Variants in SORBS3 observed in about 807,000 individuals in gnomAD.
SORBS3 encodes the protein vinexin.
A neutral mutation model predicts 98.0 loss-of-function variants in SORBS3; 69 were observed. The observed-to-expected ratio is 0.70, with a 90% CI of 0.58 to 0.86. The LOEUF is 0.86. Ranked by LOEUF, SORBS3 falls within the 40% of genes least tolerant of loss-of-function variation. The pLI, the probability that SORBS3 is intolerant of heterozygous loss-of-function variation, is 0.00. For synonymous variants in SORBS3, 394 were observed against 355.4 expected, an observed-to-expected ratio of 1.11 and a Z score of -1.22; for missense variants, 954 against 908.5, an observed-to-expected ratio of 1.05 and a Z score of -0.64.
upstream of SORBS3, chr8:22,549,890 T>G: frequency 1.4e-6 from 1 of 706,370 alleles, no homozygotes; most frequent in Middle Eastern, 7.2e-4. Context: ...CACTAAATAT[T>G]TATCTTGGAG....
At chr8:22,553,750 C>G (rs886908681) in intron 1 of SORBS3, among the ~76,000 whole-genome samples, 14 of 152,230 alleles carry the variant, frequency 9.2e-5, no homozygotes, top group Non-Finnish European at 1.6e-4. Context: ...CACCAACTCT[C>G]CATGGGCATG....
At chr8:22,547,561 C>A (rs191093774), upstream of SORBS3, among the ~76,000 whole-genome samples, 1 of 152,184 alleles carries the variant, frequency 6.6e-6, no homozygotes, top group Non-Finnish European at 1.5e-5. Flanking sequence ...TCCTACCCAT[C>A]GCAGTCTACC....
At chr8:22,561,296 C>T in intron 5 of SORBS3, 39 bp from the exon 6 acceptor site, 1 of 1,550,416 alleles carries the variant, frequency 6.4e-7, no homozygotes, top group Non-Finnish European at 8.7e-7. Flanking sequence ...CCCTTGCTTT[C>T]TGCCCCGTCC....
chr8:22,559,290 C>T (rs990848564), intron 5 of SORBS3, among the ~76,000 whole-genome samples: 27 of 152,186 alleles, frequency 1.8e-4, no homozygotes, highest in African/African-American at 5.1e-4. Context: ...ACACTGCAGT[C>T]ACTGGAATTT....
At chr8:22,555,016 G>A in intron 3 of SORBS3, 36 bp downstream of exon 3, 1 of 1,556,128 alleles carries the variant, frequency 6.4e-7, no homozygotes, top group African/African-American at 1.4e-5. Context: ...TGGAGATGGA[G>A]GGTCAGGGCC....
chr8:22,559,573 T>C (rs1012350020), intron 5 of SORBS3, among the ~76,000 whole-genome samples: 9 of 151,946 alleles, frequency 5.9e-5, no homozygotes, highest in African/African-American at 2.2e-4. Flanking sequence ...TGTGGCGGCA[T>C]GCACCTGTAA....
intron 7 of SORBS3, 80 bp from the exon 8 acceptor site, chr8:22,563,907 C>A: frequency 9.5e-7 from 1 of 1,054,308 alleles, no homozygotes; most frequent in Non-Finnish European, 1.5e-6. Context: ...GGGACAAGGG[C>A]AGGGTGAGAG....
chr8:22,559,758 C>T (rs1197189030), intron 5 of SORBS3, among the ~76,000 whole-genome samples: 1 of 151,484 alleles, frequency 6.6e-6, no homozygotes, highest in Non-Finnish European at 1.5e-5. Context: ...CATGTTCCCT[C>T]TGAGTGAAGA....
chr8:22,558,248 C>T (rs1840225686), intron 5 of SORBS3, 56 bp downstream of exon 5: 6 of 1,528,718 alleles, frequency 3.9e-6, no homozygotes, highest in Non-Finnish European at 5.4e-6. Flanking sequence ...GCCCCTGGGG[C>T]TTGGAGAGAC....
chr8:22,566,731 T>C lies in SORBS3; in HGVS notation c.1143+18T>C, dbSNP rs2272716. The C allele has an allele frequency of 0.18, 295,429 of 1,613,168 alleles. 28,794 individuals are homozygous for C. The highest frequency in any genetic ancestry group is 0.24 in the South Asian group (22,222 of 91,070). ...AGAAGAAGGTAAGGAGGGGACCAGG[T>C]GTGGGGGACCTGGAGTGGTCCCAAG... On this transcript the variant is annotated intron_variant, in intron 14 of 20. Coordinates refer to ENST00000240123, the MANE Select transcript of SORBS3 (RefSeq NM_005775.5).
In SORBS3 at chr8:22,574,806, C is replaced by G. The variant is rs754820094; in HGVS notation, c.*78C>G. 1 of 1,341,968 alleles carries G rather than the reference C, an allele frequency of 7.5e-7. No individual in the cohort carries two copies. Among genetic ancestry groups the G allele is most frequent in the African/African-American group, 1.4e-5 (1 of 69,700 alleles). 83.1% of individuals were successfully genotyped at this position (1,341,968 alleles called of 1,614,324 possible). ...ACTCGTGGGAGGGAGAGGACCCCCG[C>G]CCACATCCTCCTTCCCCAGGACCTG... On this transcript the variant is annotated 3_prime_UTR_variant, in exon 21 of 21. Coordinates refer to ENST00000240123, the MANE Select transcript of SORBS3 (RefSeq NM_005775.5).
chr8:22,569,404 A>T, intron 17 of SORBS3, 131 bp downstream of exon 17: 1 of 776,212 alleles, frequency 1.3e-6, no homozygotes, highest in Non-Finnish European at 1.8e-6. Flanking sequence ...CAGTGGTGCC[A>T]TCTCGGCTCA....
intron 5 of SORBS3, among the ~76,000 whole-genome samples, chr8:22,558,696 C>T (rs1176514711): frequency 6.6e-6 from 1 of 152,254 alleles, no homozygotes; most frequent in Admixed American, 6.5e-5. Flanking sequence ...TAAACAGACA[C>T]ACCTTTGACA....
At position 22,569,046 on chromosome 8, in the gene SORBS3, C is replaced by G; in HGVS notation, c.1306-102C>G. 4 of 1,286,354 alleles carry G rather than the reference C, an allele frequency of 3.1e-6. No homozygotes were observed. In the East Asian group the frequency reaches 1.1e-4, roughly 36 times the overall value. 79.7% of individuals were successfully genotyped at this position (1,286,354 alleles called of 1,614,324 possible). On this transcript the variant is annotated intron_variant, in intron 16 of 20. Transcript: ENST00000240123. ...TCTGGTGTTTATATCTTTTCTCTGC[C>G]TAGGGGCGGGCCCACCTTCTCTTTG...
intron 20 of SORBS3, among the ~76,000 whole-genome samples, chr8:22,574,151 GA>G (rs991473277): frequency 2.2e-4 from 33 of 151,732 alleles, no homozygotes; most frequent in African/African-American, 6.6e-4. Flanking sequence ...AGGCCCCCCA[GA>G]TGCTTTGCCC....
intron 16 of SORBS3, among the ~76,000 whole-genome samples, chr8:22,568,487 G>A (rs1370853324): frequency 6.6e-6 from 1 of 152,092 alleles, no homozygotes; most frequent in African/African-American, 2.4e-5. Context: ...CCCATGGGTT[G>A]GGTTGTTGTT....
In SORBS3 at chr8:22,556,904, G is replaced by A. The variant is rs373130093; in HGVS notation, c.410G>A (p.Arg137Gln). 9 of 1,612,442 alleles carry A rather than the reference G, an allele frequency of 5.6e-6. No individual in the cohort carries two copies. The highest frequency in any genetic ancestry group is 3.3e-5 in the South Asian group (3 of 91,082). ...VDESGMPIAP[R>Q]SSVDRPRDWY... ...GAGAGCGGCATGCCCATTGCCCCCC[G>A]ATCCGTGAGTCCAGGGCTGGGGGCC... Residue 137 changes from arginine to glutamine, a missense_variant, in exon 4 of 21, where the codon CGA becomes CAA. Transcript: ENST00000240123.
chr8:22,559,703 TA>T (rs796881637), intron 5 of SORBS3, among the ~76,000 whole-genome samples: 85 of 131,120 alleles, frequency 6.5e-4, no homozygotes, highest in Admixed American at 6.2e-4. Context: ...ACGCTGTCTC[TA>T]AAAAAAAAAA....
upstream of SORBS3, chr8:22,549,842 G>A (rs976249662): frequency 3.3e-6 from 1 of 303,814 alleles, no homozygotes. Context: ...GTGAGAAACA[G>A]GAAGTGGGGA....
Sources: gnomAD v4.1 joint callset for allele counts (sites outside exome capture counted in the v4.1 genomes callset) on GRCh38, gnomAD v4.1.1 for gene constraint, MANE v1.5 for transcripts, NCBI Gene and HGNC (gene_info 2026-07-23, HGNC 2026-07-21) for gene names.